Variants in NCKAP5 observed in about 807,000 individuals in gnomAD.
The protein encoded by NCKAP5 is NCK associated protein 5, also known as nck-associated protein 5.
A neutral mutation model predicts 167.0 loss-of-function variants in NCKAP5; 92 were observed. The ratio of observed to expected loss-of-function variants is 0.55; its 90% confidence interval spans 0.47 to 0.66. The LOEUF is 0.66. Ranked by LOEUF, NCKAP5 falls within the 30% of genes least tolerant of loss-of-function variation. The pLI is 0.00. For missense variants in NCKAP5, 2,378 were observed against 2,315.0 expected, an observed-to-expected ratio of 1.03 and a Z score of -0.56; for synonymous variants, 891 against 877.4, an observed-to-expected ratio of 1.02 and a Z score of -0.27.
At chr2:133,060,132 G>A (rs917274620) in intron 6 of NCKAP5, among the ~76,000 whole-genome samples, 7 of 152,178 alleles carry the variant, frequency 4.6e-5, no homozygotes, top group South Asian at 2.1e-4. Context: ...ACATCAGTGG[G>A]ACTAGGAAAA....
intron 3 of NCKAP5, among the ~76,000 whole-genome samples, chr2:133,374,169 T>A (rs1263813414): frequency 6.6e-6 from 1 of 152,190 alleles, no homozygotes; most frequent in Non-Finnish European, 1.5e-5. Context: ...GGAATATTAT[T>A]CAGCACTACA....
intron 5 of NCKAP5, among the ~76,000 whole-genome samples, chr2:133,179,237 T>G (rs114382040): frequency 0.014 from 2,085 of 152,122 alleles, 31 homozygotes; most frequent in Non-Finnish European, 0.022. Context: ...ATTTGGTTTT[T>G]TTTTTTTTTT....
intron 11 of NCKAP5, among the ~76,000 whole-genome samples, chr2:132,812,681 G>C (rs577608070): frequency 3.9e-5 from 6 of 152,262 alleles, no homozygotes; most frequent in African/African-American, 1.4e-4. Context: ...ACTGAGAAAC[G>C]ATTACTCAGG....
the NCKAP5 span, among the ~76,000 whole-genome samples, chr2:133,606,124 A>G: frequency 7.6e-6 from 1 of 131,684 alleles, no homozygotes; most frequent in Non-Finnish European, 1.6e-5. Flanking sequence ...CCAGAATCAG[A>G]TTCTAATAGA....
intron 19 of NCKAP5, among the ~76,000 whole-genome samples, chr2:132,707,182 T>G (rs887953647): frequency 2.6e-5 from 4 of 152,220 alleles, no homozygotes; most frequent in African/African-American, 9.6e-5. Flanking sequence ...AGGTGCGTTG[T>G]GTGGAGAATC....
intron 7 of NCKAP5, among the ~76,000 whole-genome samples, chr2:132,980,019 G>T (rs1197552600): frequency 6.8e-6 from 1 of 147,608 alleles, no homozygotes; most frequent in Non-Finnish European, 1.5e-5. Context: ...TTTGAGACAG[G>T]GTCTCTGTCG....
At chr2:133,664,465 T>C in the NCKAP5 span, among the ~76,000 whole-genome samples, 5 of 152,142 alleles carry the variant, frequency 3.3e-5, 1 homozygote, top group East Asian at 3.9e-4. Flanking sequence ...TCTTCCAATA[T>C]AAGGCTATTT....
chr2:132,917,527 C>G lies in NCKAP5; in HGVS notation c.580-38611G>C, dbSNP rs542281170. Among the ~76,000 whole-genome samples the G allele has an allele frequency of 5.3e-5, 8 of 152,050 alleles. No individual in the cohort carries two copies. In the East Asian group the frequency reaches 1.5e-3, roughly 29 times the overall value. ...ATAACATTTTAGTAAATACATTTTT[C>G]TGCTTTAAAATTTATAATAGTTGAT... On this transcript the variant is annotated intron_variant, in intron 8 of 19. Transcript: ENST00000409261.
chr2:133,235,980 T>C (rs2150273174), intron 4 of NCKAP5, among the ~76,000 whole-genome samples: 1 of 148,064 alleles, frequency 6.8e-6, no homozygotes, highest in South Asian at 2.1e-4. Context: ...GGCTGGAAGA[T>C]TGCTTGAGCT....
intron 11 of NCKAP5, among the ~76,000 whole-genome samples, chr2:132,802,362 T>A (rs1426376718): frequency 6.6e-6 from 1 of 152,216 alleles, no homozygotes; most frequent in Non-Finnish European, 1.5e-5. Context: ...TCAGCTTTAG[T>A]TTTGTTTTCA....
intron 5 of NCKAP5, among the ~76,000 whole-genome samples, chr2:133,132,762 C>T (rs766162961): frequency 1.6e-4 from 24 of 151,578 alleles, no homozygotes; most frequent in African/African-American, 4.4e-4. Flanking sequence ...CTGCAAGCTC[C>T]GCCTCCCAGG....
At chr2:132,968,574 C>G (rs2149224355) in intron 7 of NCKAP5, among the ~76,000 whole-genome samples, 1 of 152,224 alleles carries the variant, frequency 6.6e-6, no homozygotes, top group East Asian at 1.9e-4. Context: ...AATTAAGATA[C>G]AGTTTTCAGA....
At chr2:132,705,184 A>G (rs1688235890) in intron 19 of NCKAP5, among the ~76,000 whole-genome samples, 1 of 152,030 alleles carries the variant, frequency 6.6e-6, no homozygotes. Flanking sequence ...ACTGTTTCTC[A>G]TCTCTTACAT....
At chr2:133,017,524 C>G (rs1161680930) in intron 6 of NCKAP5, among the ~76,000 whole-genome samples, 1 of 152,000 alleles carries the variant, frequency 6.6e-6, no homozygotes, top group Non-Finnish European at 1.5e-5. Flanking sequence ...CCCTGTAATT[C>G]TCCAATATTT....
chr2:133,082,506 C>A (rs1559121030), intron 6 of NCKAP5, among the ~76,000 whole-genome samples: 4 of 152,102 alleles, frequency 2.6e-5, no homozygotes, highest in Admixed American at 6.6e-5. Context: ...GAGAACAGTT[C>A]ACACTCTCCA....
Position 132,783,562 on chromosome 2 carries a change from A to G in NCKAP5, c.3249T>C (p.Ser1083=), listed in dbSNP as rs748857903. ...ATTGTCCTTTTCTCCCTGGAGATAC[A>G]CTTTTGGAGGACGTCATTTCCAGTG... ...HEPLEMTSSK[S]VSPGRKGQLN... The change falls in exon 14 of 20, where the codon AGT becomes AGC. Residue 1083 remains serine (S), a synonymous_variant. Transcript: ENST00000409261. 7 of 1,613,890 alleles carry G rather than the reference A, an allele frequency of 4.3e-6. No homozygotes were observed. The highest frequency in any genetic ancestry group is 3.3e-4 in the Middle Eastern group (2 of 6,062).
intron 8 of NCKAP5, among the ~76,000 whole-genome samples, chr2:132,879,739 G>A (rs575033216): frequency 5.3e-5 from 8 of 152,244 alleles, no homozygotes; most frequent in South Asian, 4.1e-4. Flanking sequence ...TTGGCTCTAC[G>A]TGCCCCTTCT....
rs1574514806 is a variant in NCKAP5 at position 132,885,036 on chromosome 2, A to G, written c.580-6120T>C. 2.0e-5 allele frequency among the ~76,000 whole-genome samples: 3 copies of G among 152,346 alleles called. 1 individual carries two copies. Among genetic ancestry groups the G allele is most frequent in the South Asian group, 4.1e-4 (2 of 4,832 alleles). ...ATTTATGGTTACTGTGTTCAGTTAC[A>G]GAGACCAATTTAATTGATGTAATCC... is the stretch of plus-strand genomic sequence containing the variant. On this transcript the variant is annotated intron_variant, in intron 8 of 19. Transcript: ENST00000409261.
intron 15 of NCKAP5, among the ~76,000 whole-genome samples, chr2:132,775,224 C>T (rs913627826): frequency 2.0e-5 from 3 of 152,212 alleles, no homozygotes; most frequent in Non-Finnish European, 2.9e-5. Flanking sequence ...AGTCATATGG[C>T]TGAATACTGA....
Sources: allele counts gnomAD v4.1 joint callset (sites outside exome capture counted in the v4.1 genomes callset), GRCh38; gene constraint gnomAD v4.1.1; transcripts MANE v1.5; gene names NCBI Gene and HGNC (gene_info 2026-07-23, HGNC 2026-07-21).